Variants in DCC observed in about 807,000 individuals in gnomAD.
The protein encoded by DCC is DCC netrin 1 receptor.
DCC carries 58 observed loss-of-function variants against 172.5 expected under a neutral mutation model. The ratio of observed to expected loss-of-function variants is 0.34; its 90% CI spans 0.27 to 0.42. The LOEUF (loss-of-function observed/expected upper bound fraction) is 0.42. Ranked by LOEUF, DCC falls within the 10% of genes least tolerant of loss-of-function variation. DCC has a pLI of 1.00. For missense variants in DCC, 1,740 were observed against 1,791.0 expected (o/e 0.97, Z 0.51); for synonymous variants, 709 against 644.5 (o/e 1.10, Z -1.52).
chr18:53,249,797 T>C (rs1261848122), intron 12 of DCC, among the ~76,000 whole-genome samples: 5 of 151,974 alleles, frequency 3.3e-5, no homozygotes, highest in Admixed American at 3.3e-4. Context: ...TAGTCAGCAC[T>C]TATTTCAACC....
intron 1 of DCC, among the ~76,000 whole-genome samples, chr18:52,704,852 T>A (rs2036179390): frequency 6.6e-6 from 1 of 152,214 alleles, no homozygotes; most frequent in South Asian, 2.1e-4. Flanking sequence ...TTGCTTTCAA[T>A]CCTTTTCATT....
At chr18:53,353,516 T>C (rs1041772114) in intron 15 of DCC, among the ~76,000 whole-genome samples, 1 of 143,000 alleles carries the variant, frequency 7.0e-6, no homozygotes, top group Non-Finnish European at 1.5e-5. Flanking sequence ...TTTTAGATAT[T>C]TAACTGGTGT....
intron 7 of DCC, among the ~76,000 whole-genome samples, chr18:53,106,556 C>T (rs2043251226): frequency 6.6e-6 from 1 of 151,864 alleles, no homozygotes; most frequent in East Asian, 1.9e-4. Flanking sequence ...TCTGAGACTT[C>T]TAATTAAGGT....
chr18:53,188,915 T>C (rs2055326804), intron 9 of DCC, among the ~76,000 whole-genome samples: 2 of 152,208 alleles, frequency 1.3e-5, no homozygotes, highest in Admixed American at 1.3e-4. Context: ...TCTCTTCTTA[T>C]AATATACTTG....
chr18:52,347,764 C>A (rs982584870), intron 1 of DCC, among the ~76,000 whole-genome samples: 1 of 152,090 alleles, frequency 6.6e-6, no homozygotes, highest in Non-Finnish European at 1.5e-5. Flanking sequence ...TTGGATGTCA[C>A]TTGTACTTTG....
At chr18:52,630,851 T>A (rs933795995) in intron 1 of DCC, among the ~76,000 whole-genome samples, 1 of 152,150 alleles carries the variant, frequency 6.6e-6, no homozygotes, top group Admixed American at 6.5e-5. Flanking sequence ...ACACATGACT[T>A]TAAAAAGCTG....
chr18:52,959,511 G>A (rs758687337), intron 5 of DCC, among the ~76,000 whole-genome samples: 6 of 151,996 alleles, frequency 3.9e-5, no homozygotes, highest in Non-Finnish European at 7.4e-5. Context: ...TTTGGGCTTC[G>A]ATGGAACCCG....
chr18:53,224,415 G>T (rs548320878), intron 12 of DCC, among the ~76,000 whole-genome samples: 1 of 152,164 alleles, frequency 6.6e-6, no homozygotes, highest in Non-Finnish European at 1.5e-5. Context: ...GCTTTGTAGG[G>T]TGTGATAAAA....
intron 6 of DCC, among the ~76,000 whole-genome samples, chr18:53,065,174 G>T (rs2042548415): frequency 6.6e-6 from 1 of 152,102 alleles, no homozygotes; most frequent in South Asian, 2.1e-4. Context: ...TTTTATCAAA[G>T]AATTTTACAT....
intron 1 of DCC, among the ~76,000 whole-genome samples, chr18:52,415,756 TTC>T (rs1795130478): frequency 6.6e-6 from 1 of 152,180 alleles, no homozygotes; most frequent in African/African-American, 2.4e-5. Flanking sequence ...TATTTGATTC[TTC>T]TCTCTTTTCT....
chr18:52,344,660 G>GT (rs35103993), intron 1 of DCC, among the ~76,000 whole-genome samples: 40,355 of 151,862 alleles, frequency 0.27, 5,453 homozygotes, highest in Non-Finnish European at 0.31. Flanking sequence ...TTTAAAAGCA[G>GT]TGCTGAAGTT....
At chr18:52,366,169 T>A (rs996081280) in intron 1 of DCC, among the ~76,000 whole-genome samples, 1 of 152,154 alleles carries the variant, frequency 6.6e-6, no homozygotes, top group Admixed American at 6.5e-5. Flanking sequence ...CCTATAAACA[T>A]CTATGTTTAA....
At chr18:52,860,000 C>G (rs1285878740) in intron 2 of DCC, among the ~76,000 whole-genome samples, 2 of 152,146 alleles carry the variant, frequency 1.3e-5, no homozygotes, top group Non-Finnish European at 2.9e-5. Context: ...GTTTTGTAGT[C>G]CAGAGAGTAG....
chr18:52,493,609 T>C (rs553960676), intron 1 of DCC, among the ~76,000 whole-genome samples: 1 of 152,190 alleles, frequency 6.6e-6, no homozygotes, highest in African/African-American at 2.4e-5. Flanking sequence ...TGTTTTCTAT[T>C]TGCCTCAATG....
Position 52,849,937 on chromosome 18 carries a change from C to T in DCC, c.413-56107C>T, listed in dbSNP as rs184430565. 7.9e-5 allele frequency among the ~76,000 whole-genome samples: 12 copies of T among 152,176 alleles called. No homozygotes were observed. The East Asian group carries it at 2.3e-3, about 29-fold the overall frequency. On this transcript the variant is annotated intron_variant, in intron 2 of 28. Coordinates refer to ENST00000442544, the MANE Select transcript of DCC (RefSeq NM_005215.4). ...AGAAATAATGTCTTATAAGCCACGA[C>T]AAAAATGCCCCAGGTCATGAGAGAA...
chr18:53,398,096 T>C (rs528284684), intron 18 of DCC, among the ~76,000 whole-genome samples: 26 of 152,296 alleles, frequency 1.7e-4, no homozygotes, highest in Admixed American at 7.8e-4. Flanking sequence ...TTGACATTTA[T>C]AGTTCACAGA....
At chr18:53,139,418 GTGTCCAA>G (rs535323465) in intron 7 of DCC, among the ~76,000 whole-genome samples, 325 of 152,290 alleles carry the variant, frequency 2.1e-3, no homozygotes, top group Non-Finnish European at 3.8e-3. Flanking sequence ...GAAGGATAAA[GTGTCCAA>G]TGTCATGCAC....
chr18:53,133,837 A>T (rs1363389703), intron 7 of DCC, among the ~76,000 whole-genome samples: 1 of 152,184 alleles, frequency 6.6e-6, no homozygotes, highest in Non-Finnish European at 1.5e-5. Context: ...AGGAGATACA[A>T]CAATAATGCC....
rs146254047 is a variant in DCC at position 52,857,324 on chromosome 18, G to C, written c.413-48720G>C. Among the ~76,000 whole-genome samples, 626 of 152,236 alleles carry C rather than the reference G, an allele frequency of 4.1e-3. 8 individuals carry two copies. The highest frequency in any genetic ancestry group is 0.013 in the African/African-American group (556 of 41,536). On this transcript the variant is annotated intron_variant, in intron 2 of 28. Transcript: ENST00000442544. ...GGATGGGCAAGAGTAGCATTAATGA[G>C]CTCACTCCATTAAATTAGTTCTTTT...
Sources: allele counts gnomAD v4.1 joint callset (sites outside exome capture counted in the v4.1 genomes callset), GRCh38; gene constraint gnomAD v4.1.1; transcripts MANE v1.5; gene names NCBI Gene and HGNC (gene_info 2026-07-23, HGNC 2026-07-21).